Variants in CHSY3 observed in about 807,000 individuals in gnomAD.
CHSY3 encodes chondroitin sulfate synthase 3.
A neutral mutation model predicts 67.2 loss-of-function variants in CHSY3; 35 were observed. That is an observed-to-expected ratio of 0.52 (90% CI 0.40 to 0.69). The LOEUF is 0.69. Among genes scored for constraint, CHSY3 ranks in the 30% least tolerant of loss-of-function variants. The pLI is 0.00. For missense variants in CHSY3, 1,069 were observed against 1,138.5 expected (o/e 0.94, Z 0.88); for synonymous variants, 474 against 434.7 (o/e 1.09, Z -1.12).
intron 2 of CHSY3, among the ~76,000 whole-genome samples, chr5:129,938,517 C>G (rs796527689): frequency 3.3e-5 from 5 of 152,310 alleles, no homozygotes; most frequent in African/African-American, 1.2e-4. Context: ...CAGATAATCT[C>G]TTTGTTCATG....
chr5:130,176,692 A>G (rs1770063675), intron 2 of CHSY3, among the ~76,000 whole-genome samples: 2 of 152,192 alleles, frequency 1.3e-5, no homozygotes, highest in African/African-American at 4.8e-5. Context: ...TGTCCTTTGC[A>G]GGACATGGAT....
At chr5:130,005,728 T>A (rs1305230529) in intron 2 of CHSY3, among the ~76,000 whole-genome samples, 5 of 152,348 alleles carry the variant, frequency 3.3e-5, no homozygotes. Context: ...GAGGCAATAA[T>A]GAATACCTTC....
intron 2 of CHSY3, among the ~76,000 whole-genome samples, chr5:130,107,512 G>T (rs1305285080): frequency 6.6e-6 from 1 of 151,154 alleles, no homozygotes; most frequent in Admixed American, 6.6e-5. Flanking sequence ...TAGAGGAAAT[G>T]GTACTTATAT....
chr5:130,077,913 A>G (rs2149685165), intron 2 of CHSY3, among the ~76,000 whole-genome samples: 1 of 152,212 alleles, frequency 6.6e-6, no homozygotes, highest in East Asian at 1.9e-4. Context: ...ATCTCCTAGG[A>G]AAACTATTTC....
chr5:130,150,134 T>C (rs73247030), intron 2 of CHSY3, among the ~76,000 whole-genome samples: 8,212 of 152,146 alleles, frequency 0.054, 630 homozygotes, highest in African/African-American at 0.15. Flanking sequence ...GAATGAAAAA[T>C]TATTAGAAAG....
At chr5:130,093,699 T>C (rs1766953648) in intron 2 of CHSY3, among the ~76,000 whole-genome samples, 1 of 152,148 alleles carries the variant, frequency 6.6e-6, no homozygotes, top group Non-Finnish European at 1.5e-5. Flanking sequence ...AAGTCAATAC[T>C]TTAGGCTTTA....
At chr5:130,107,055 CTTAG>C (rs963355941) in intron 2 of CHSY3, among the ~76,000 whole-genome samples, 5 of 151,268 alleles carry the variant, frequency 3.3e-5, no homozygotes, top group Non-Finnish European at 5.9e-5. Flanking sequence ...TATTGAGAAT[CTTAG>C]TTTGTTTACT....
At chr5:129,994,228 C>T (rs1763460239) in intron 2 of CHSY3, among the ~76,000 whole-genome samples, 1 of 152,090 alleles carries the variant, frequency 6.6e-6, no homozygotes, top group Non-Finnish European at 1.5e-5. Flanking sequence ...TTGTGGTGTT[C>T]TGTGTATTTC....
At chr5:130,098,545 G>A (rs1318611697) in intron 2 of CHSY3, among the ~76,000 whole-genome samples, 2 of 151,886 alleles carry the variant, frequency 1.3e-5, no homozygotes. Context: ...TCTTACCAAG[G>A]GGAGAAAAAA....
intron 1 of CHSY3, chr5:129,905,887 C>A (rs535289177): frequency 7.0e-5 from 54 of 775,832 alleles, no homozygotes; most frequent in Middle Eastern, 3.9e-4. Context: ...TTCGGTGCCG[C>A]CTCGCGCTTG....
intron 2 of CHSY3, among the ~76,000 whole-genome samples, chr5:130,108,286 T>A (rs528205271): frequency 6.6e-6 from 1 of 151,704 alleles, no homozygotes; most frequent in South Asian, 2.1e-4. Flanking sequence ...ATATTGGCAT[T>A]TCCATGCATA....
chr5:130,092,803 AGG>A (rs976010187), intron 2 of CHSY3, among the ~76,000 whole-genome samples: 15 of 152,196 alleles, frequency 9.9e-5, no homozygotes, highest in Admixed American at 6.5e-4. Context: ...ACTAAAATTC[AGG>A]GTTTATATAC....
intron 2 of CHSY3, among the ~76,000 whole-genome samples, chr5:130,115,422 G>A (rs1279151863): frequency 1.3e-5 from 2 of 152,002 alleles, no homozygotes; most frequent in African/African-American, 2.4e-5. Flanking sequence ...TCTTGTCAAC[G>A]TTTTCTAATG....
chr5:130,064,165 T>G (rs1765805340), intron 2 of CHSY3, among the ~76,000 whole-genome samples: 1 of 152,050 alleles, frequency 6.6e-6, no homozygotes, highest in African/African-American at 2.4e-5. Flanking sequence ...CAATCTTATG[T>G]TTTAAAATGT....
chr5:129,931,374 C>T (rs934351905), intron 2 of CHSY3, among the ~76,000 whole-genome samples: 4 of 152,044 alleles, frequency 2.6e-5, no homozygotes, highest in East Asian at 1.9e-4. Flanking sequence ...ATAAGTTATA[C>T]GTGGGCTTTG....
Position 129,938,777 on chromosome 5 carries a change from A to C in CHSY3, c.1086+30417A>C, listed in dbSNP as rs140669367. On this transcript the variant is annotated intron_variant, in intron 2 of 2. Coordinates refer to ENST00000305031, the MANE Select transcript of CHSY3 (RefSeq NM_175856.5). ...ACTGGGCTTCGTTGTCCATATCACT[A>C]TCAGCATTTGATCACAATAATTTAA... 4.0e-4 allele frequency among the ~76,000 whole-genome samples: 61 copies of C among 152,292 alleles called. No individual in the cohort carries two copies. In the East Asian group the frequency reaches 9.7e-3, roughly 24 times the overall value.
intron 2 of CHSY3, among the ~76,000 whole-genome samples, chr5:130,120,942 C>G (rs576430664): frequency 6.6e-6 from 1 of 152,224 alleles, no homozygotes; most frequent in East Asian, 1.9e-4. Flanking sequence ...ACTCCTTTTT[C>G]TAATTTGTAC....
chr5:129,995,658 T>C (rs1231346986), intron 2 of CHSY3, among the ~76,000 whole-genome samples: 2 of 151,892 alleles, frequency 1.3e-5, no homozygotes, highest in Non-Finnish European at 2.9e-5. Flanking sequence ...CCCTCTCCCA[T>C]GTTGGAGCCA....
chr5:129,989,262 C>CTTTTTTT (rs10632773), intron 2 of CHSY3, among the ~76,000 whole-genome samples: 2 of 138,310 alleles, frequency 1.4e-5, no homozygotes, highest in Non-Finnish European at 3.1e-5. Context: ...CAAACTTGTT[C>CTTTTTTT]TTTTTTTTTT....
Sources: allele counts gnomAD v4.1 joint callset (sites outside exome capture counted in the v4.1 genomes callset), GRCh38; gene constraint gnomAD v4.1.1; transcripts MANE v1.5; gene names NCBI Gene and HGNC (gene_info 2026-07-23, HGNC 2026-07-21).